Variants in COL5A1 observed in about 807,000 individuals in gnomAD.
COL5A1 encodes collagen type V alpha 1 chain, also known as collagen alpha-1(V) chain.
COL5A1 carries 16 observed loss-of-function variants against 263.7 expected under a neutral mutation model. That is an observed-to-expected ratio of 0.06 (90% CI 0.04 to 0.09). The LOEUF (loss-of-function observed/expected upper bound fraction) is 0.09. Ranked by LOEUF, COL5A1 falls within the 10% of genes least tolerant of loss-of-function variation. The probability of loss-of-function intolerance (pLI) is 1.00; values close to 1 mark genes in which losing one functional copy is unlikely to be tolerated. For missense variants in COL5A1, 2,036 were observed against 2,540.5 expected (o/e 0.80, Z 4.27); for synonymous variants, 1,012 against 1,004.5 (o/e 1.01, Z -0.14).
chr9:134,691,270 G>T (rs141763503), intron 2 of COL5A1, among the ~76,000 whole-genome samples, 191 bp downstream of exon 2: 1 of 152,244 alleles, frequency 6.6e-6, no homozygotes, highest in Admixed American at 6.5e-5. Context: ...CCTTCTGGAC[G>T]GGACTGGGCT....
chr9:134,767,070 G>A lies in COL5A1; in HGVS notation c.2187+17G>A. 1.2e-6 allele frequency: 2 copies of A among 1,612,418 alleles called. No homozygotes were observed. The highest frequency in any genetic ancestry group is 1.7e-6 in the Non-Finnish European group (2 of 1,179,530). ...GGCGCCCAGGTAAGTGAGCCTGAGA[G>A]AGGCAGCTCGCAGGGATCCGGCCGT... On this transcript the variant is annotated intron_variant, in intron 23 of 65. Transcript: ENST00000371817.
intron 52 of COL5A1, among the ~76,000 whole-genome samples, 194 bp from the exon 53 acceptor site, chr9:134,816,832 G>C (rs1431729009): frequency 6.6e-6 from 1 of 152,246 alleles, no homozygotes; most frequent in African/African-American, 2.4e-5. Flanking sequence ...CGCAGGATGG[G>C]AGTTGGGGTT....
intron 2 of COL5A1, among the ~76,000 whole-genome samples, chr9:134,692,072 C>T (rs979386427): frequency 1.3e-5 from 2 of 152,356 alleles, no homozygotes; most frequent in East Asian, 1.9e-4. Context: ...CCCTCCTTTA[C>T]ATCCATGTGA....
At chr9:134,767,267 T>G in intron 23 of COL5A1, 43 bp from the exon 24 acceptor site, 1 of 1,604,744 alleles carries the variant, frequency 6.2e-7, no homozygotes, top group Non-Finnish European at 8.5e-7. Flanking sequence ...TCTGAGTCAA[T>G]CAGCGCCCTC....
At chr9:134,683,180 CA>C (rs1324641926) in intron 1 of COL5A1, among the ~76,000 whole-genome samples, 8 of 152,176 alleles carry the variant, frequency 5.3e-5, no homozygotes, top group Non-Finnish European at 2.9e-5. Context: ...GTAAGGTGGT[CA>C]GGGGTCACCT....
intron 11 of COL5A1, among the ~76,000 whole-genome samples, chr9:134,747,047 T>C (rs1039473931): frequency 1.3e-5 from 2 of 152,222 alleles, no homozygotes; most frequent in African/African-American, 4.8e-5. Context: ...CTGACAATGT[T>C]TCTAAGTGAT....
chr9:134,774,287 C>T (rs1409191089), intron 26 of COL5A1, among the ~76,000 whole-genome samples: 2 of 152,182 alleles, frequency 1.3e-5, no homozygotes, highest in African/African-American at 2.4e-5. Context: ...CAGCCGCTGC[C>T]GTGACACCAT....
intron 18 of COL5A1, among the ~76,000 whole-genome samples, chr9:134,759,543 G>GCGCA (rs1554794018): frequency 1.9e-5 from 2 of 104,946 alleles, no homozygotes; most frequent in African/African-American, 4.7e-5. Context: ...CCACACATGC[G>GCGCA]CACACACACT....
At chr9:134,744,451 GCA>G (rs750162737) in intron 11 of COL5A1, among the ~76,000 whole-genome samples, 16 of 149,730 alleles carry the variant, frequency 1.1e-4, no homozygotes, top group Admixed American at 3.3e-4. Flanking sequence ...ATGTGTACAC[GCA>G]CACACTCACC....
intron 11 of COL5A1, 93 bp from the exon 12 acceptor site, chr9:134,750,449 G>T: frequency 1.7e-6 from 2 of 1,144,270 alleles, no homozygotes; most frequent in African/African-American, 1.5e-5. Flanking sequence ...GCATTTCCCG[G>T]GTGGGCCGCT....
chr9:134,698,192 A>G (rs546478656), intron 2 of COL5A1, among the ~76,000 whole-genome samples: 47 of 152,362 alleles, frequency 3.1e-4, no homozygotes, highest in African/African-American at 1.1e-3. Flanking sequence ...AGATGGCCAC[A>G]CTGACTGTCA....
intron 32 of COL5A1, among the ~76,000 whole-genome samples, chr9:134,792,873 TTGTGCACACGTGTGTGTGCGCGCGTG>T (rs1479443672): frequency 5.3e-5 from 2 of 37,452 alleles, no homozygotes; most frequent in Non-Finnish European, 6.5e-5. Flanking sequence ...GTGCGCGCGT[TTGTGCACACGTGTGTGTGCGCGCGTG>T]TGTGCACGCG....
chr9:134,842,138 C>G lies in COL5A1; in HGVS notation c.5371-19C>G. The G allele has an allele frequency of 6.2e-7, 1 of 1,614,146 alleles. No individual in the cohort carries two copies. The highest frequency in any genetic ancestry group is 1.1e-5 in the South Asian group (1 of 91,082). Reference sequence around the variant, plus strand: ...CCAACTGTTCTTAACCACCGGCCATCTGTCTCCCTCTTCCCCAGACCAAGA... The same window carrying G: ...CCAACTGTTCTTAACCACCGGCCATGTGTCTCCCTCTTCCCCAGACCAAGA... On this transcript the variant is annotated intron_variant, in intron 65 of 65. Transcript: ENST00000371817. The surrounding 1 kb of genome is among the most constrained non-coding windows in gnomAD (Gnocchi z 5.8).
At chr9:134,824,906 C>T (rs1350077993) in intron 62 of COL5A1, 51 bp downstream of exon 62, 6 of 1,568,678 alleles carry the variant, frequency 3.8e-6, no homozygotes, top group Non-Finnish European at 5.2e-6. Context: ...CATGGACCTG[C>T]AGGACACATG....
At chr9:134,649,342 C>T (rs1353826638) in intron 1 of COL5A1, 1 of 379,018 alleles carries the variant, frequency 2.6e-6, no homozygotes, top group Non-Finnish European at 5.3e-6. Flanking sequence ...ATGTCACCAT[C>T]CTTTGATGAC....
chr9:134,731,687 C>A, intron 8 of COL5A1, 24 bp downstream of exon 8: 1 of 1,599,286 alleles, frequency 6.3e-7, no homozygotes, highest in South Asian at 1.1e-5. Context: ...GGCCCCCGTT[C>A]CGGGTGGGGT....
intron 32 of COL5A1, among the ~76,000 whole-genome samples, chr9:134,790,381 T>C (rs1341443047): frequency 1.1e-5 from 1 of 89,974 alleles, no homozygotes; most frequent in Non-Finnish European, 2.2e-5. Flanking sequence ...CATGCATCCA[T>C]CCACCCACCC....
Position 134,834,817 on chromosome 9 carries a change from G to A in COL5A1, c.5137-154G>A, listed in dbSNP as rs767401867. On this transcript the variant is annotated intron_variant, in intron 64 of 65. Coordinates refer to ENST00000371817, the MANE Select transcript of COL5A1 (RefSeq NM_000093.5). The stretch of plus-strand genomic sequence containing the variant: ...GGAACACGCAAGAGAGCCCATGTGC[G>A]CTGGCCTCGGCCGGGTCTGTGGGTA... 7.2e-5 allele frequency among the ~76,000 whole-genome samples: 11 copies of A among 152,320 alleles called. No individual in the cohort carries two copies. The East Asian group carries it at 9.6e-4, about 13-fold the overall frequency.
chr9:134,830,011 C>A lies in COL5A1; in HGVS notation c.5103C>A (p.Gly1701=). The A allele has an allele frequency of 6.2e-7, 1 of 1,614,060 alleles. No homozygotes were observed. Among genetic ancestry groups the A allele is most frequent in the Non-Finnish European group, 8.5e-7 (1 of 1,179,984 alleles). Reference sequence around the variant, plus strand: ...CTTCTTGGCCCAAAGAAAACCCGGGCTCCTGGTTCAGTGAATTCAAGCGTG... The same window carrying A: ...CTTCTTGGCCCAAAGAAAACCCGGGATCCTGGTTCAGTGAATTCAAGCGTG... ...RITSWPKENP[G]SWFSEFKRGK... The change falls in exon 64 of 66, where the codon GGC becomes GGA. Residue 1701 remains glycine (G), a synonymous_variant. Transcript: ENST00000371817.
Sources: gnomAD v4.1 joint callset for allele counts (sites outside exome capture counted in the v4.1 genomes callset) on GRCh38, gnomAD v4.1.1 for gene constraint, Gnocchi (gnomAD v3.1) non-coding constraint, MANE v1.5 for transcripts, NCBI Gene and HGNC (gene_info 2026-07-23, HGNC 2026-07-21) for gene names.